PHYHIPL: variants seen among roughly 807,000 people sequenced by gnomAD.
The protein encoded by PHYHIPL is phytanoyl-CoA hydroxylase-interacting protein-like.
A neutral mutation model predicts 33.4 loss-of-function variants in PHYHIPL; 9 were observed. That is an observed-to-expected ratio of 0.27 (90% CI 0.16 to 0.47). The LOEUF is 0.47. Among genes scored for constraint, PHYHIPL ranks in the 20% least tolerant of loss-of-function variants. The pLI, the probability that PHYHIPL is intolerant of heterozygous loss-of-function variation, is 0.99. For missense variants in PHYHIPL, 365 were observed against 460.7 expected (o/e 0.79, Z 1.90); for synonymous variants, 153 against 154.1 (o/e 0.99, Z 0.05).
intron 1 of PHYHIPL, among the ~76,000 whole-genome samples, chr10:59,209,425 G>A (rs1839383282): frequency 6.6e-6 from 1 of 152,170 alleles, no homozygotes; most frequent in Non-Finnish European, 1.5e-5. Context: ...GCTTCTGAAG[G>A]AAGCACTAAA....
chr10:59,245,828 C>G lies in PHYHIPL; in HGVS notation c.*237C>G. ...CCTAAGTTAAGTTCTCCTTTTGACA[C>G]TTTATTGCCTAGATGCTGCAATGTT... On this transcript the variant is annotated 3_prime_UTR_variant, in exon 5 of 5. Coordinates refer to ENST00000373880, the MANE Select transcript of PHYHIPL (RefSeq NM_032439.4). The G allele has an allele frequency of 2.1e-6, 1 of 474,722 alleles. No individual in the cohort carries two copies. Among genetic ancestry groups the G allele is most frequent in the Admixed American group, 3.9e-5 (1 of 25,810 alleles). The allele number at this position is 474,722 out of a possible 1,614,324, so 29.4% of individuals were successfully genotyped here. A position where few individuals can be genotyped will look rare whatever the true frequency, so the allele number is the denominator to read the frequency against.
At chr10:59,206,694 A>G in intron 1 of PHYHIPL, 2 of 727,764 alleles carry the variant, frequency 2.7e-6, no homozygotes, top group South Asian at 2.1e-5. Context: ...CATAAGGGAG[A>G]CAGAAAATTG....
At chr10:59,224,512 A>C (rs947132526) in intron 1 of PHYHIPL, among the ~76,000 whole-genome samples, 2 of 143,744 alleles carry the variant, frequency 1.4e-5, no homozygotes, top group Admixed American at 6.8e-5. Context: ...CAAAACAAAA[A>C]ACAAAACAAA....
Position 59,223,670 on chromosome 10 carries a change from A to ATT in PHYHIPL, c.107-10625_107-10624dup, listed in dbSNP as rs112103554. 2.0e-3 allele frequency among the ~76,000 whole-genome samples: 304 copies of ATT among 149,958 alleles called. 1 individual carries two copies. Among genetic ancestry groups the ATT allele is most frequent in the African/African-American group, 6.7e-3 (274 of 41,032 alleles). ...ATTAAAAACATAAGTCAGTTTAACT[A>ATT]TTTTTTTTTTGAGACAGGGTCTCTG... On this transcript the variant is annotated intron_variant, in intron 1 of 4. Coordinates refer to ENST00000373880, the MANE Select transcript of PHYHIPL (RefSeq NM_032439.4).
At chr10:59,232,794 GATGTTTA>G (rs1840117565) in intron 1 of PHYHIPL, among the ~76,000 whole-genome samples, 1 of 151,834 alleles carries the variant, frequency 6.6e-6, no homozygotes, top group African/African-American at 2.4e-5. Context: ...TACTATTACT[GATGTTTA>G]AAGACAAGTG....
At position 59,176,726 on chromosome 10, in the gene PHYHIPL, C is replaced by A. The variant is rs1266805459; in HGVS notation, c.-128C>A. On this transcript the variant is annotated 5_prime_UTR_variant, in exon 1 of 5. Coordinates refer to ENST00000373880, the MANE Select transcript of PHYHIPL (RefSeq NM_032439.4). ...GCCCCGCGCCTCAGCCTCGGCGCCG[C>A]ATCACCGCGTCCCAGGCCTCCTTCC... 3 of 822,976 alleles carry A rather than the reference C, an allele frequency of 3.6e-6. No homozygotes were observed. Among genetic ancestry groups the A allele is most frequent in the Admixed American group, 2.8e-5 (1 of 35,876 alleles). The allele number at this position is 822,976 out of a possible 1,614,324, so 51.0% of individuals were successfully genotyped here.
chr10:59,187,073 C>G (rs1257544173), intron 1 of PHYHIPL, among the ~76,000 whole-genome samples: 1 of 152,118 alleles, frequency 6.6e-6, no homozygotes, highest in African/African-American at 2.4e-5. Flanking sequence ...CAGTTTTTGT[C>G]CATTCAGTAT....
chr10:59,231,078 T>A (rs1358400568), intron 1 of PHYHIPL, among the ~76,000 whole-genome samples: 1 of 144,448 alleles, frequency 6.9e-6, no homozygotes, highest in Non-Finnish European at 1.5e-5. Flanking sequence ...AAAATATAAA[T>A]ACATGGTAAA....
At chr10:59,235,756 C>T (rs1210863933) in intron 2 of PHYHIPL, among the ~76,000 whole-genome samples, 1 of 151,894 alleles carries the variant, frequency 6.6e-6, no homozygotes, top group Non-Finnish European at 1.5e-5. Flanking sequence ...ATACCATATC[C>T]TTGAAATGTA....
upstream of PHYHIPL, among the ~76,000 whole-genome samples, chr10:59,175,859 G>C (rs141513275): frequency 1.0e-3 from 157 of 152,310 alleles, no homozygotes; most frequent in African/African-American, 3.6e-3. Flanking sequence ...ATACTTATTT[G>C]CTACGCGCAT....
Position 59,245,282 on chromosome 10 carries a change from G to A in PHYHIPL, c.822G>A (p.Met274Ile). 1 of 1,614,162 alleles carries A rather than the reference G, an allele frequency of 6.2e-7. No homozygotes were observed. Among genetic ancestry groups the A allele is most frequent in the Non-Finnish European group, 8.5e-7 (1 of 1,180,028 alleles). The change falls in exon 5 of 5, where the codon ATG (methionine) becomes ATA (isoleucine). Residue 274 changes from methionine to isoleucine, a missense_variant. Around this residue, in one of 4 missense-constraint regions of PHYHIPL, gnomAD observed 196 missense variants for 224.9 expected, o/e 0.87. Transcript: ENST00000373880. ...TATACTTTGGGGACTTCTACTGTATGTACACTGCTTATCATTATGTGATTC... is the reference window on the plus strand; with the variant it reads ...TATACTTTGGGGACTTCTACTGTATATACACTGCTTATCATTATGTGATTC... The part of the protein sequence containing the change: ...TNLYFGDFYC[M>I]YTAYHYVILV...
chr10:59,241,190 T>G (rs1474767605), intron 4 of PHYHIPL, among the ~76,000 whole-genome samples: 1 of 152,154 alleles, frequency 6.6e-6, no homozygotes, highest in African/African-American at 2.4e-5. Context: ...TGTCATTAAC[T>G]CTAATTAAGA....
intron 1 of PHYHIPL, among the ~76,000 whole-genome samples, chr10:59,226,808 A>T (rs374469137): frequency 7.4e-4 from 112 of 152,272 alleles, no homozygotes; most frequent in African/African-American, 2.5e-3. Flanking sequence ...AAAAGATGGG[A>T]TTTATAACTT....
At chr10:59,213,566 G>C (rs1839525696) in intron 1 of PHYHIPL, among the ~76,000 whole-genome samples, 1 of 152,102 alleles carries the variant, frequency 6.6e-6, no homozygotes. Flanking sequence ...ATTTGTAATG[G>C]GAGTCAGTTA....
intron 1 of PHYHIPL, among the ~76,000 whole-genome samples, chr10:59,226,555 A>G (rs67324252): frequency 0.2 from 30,723 of 151,930 alleles, 3,958 homozygotes; most frequent in African/African-American, 0.36. Context: ...GTGGAGAAAA[A>G]TGCCTCAGCC....
intron 1 of PHYHIPL, among the ~76,000 whole-genome samples, chr10:59,228,970 C>G (rs1164709719): frequency 1.3e-5 from 2 of 152,068 alleles, no homozygotes; most frequent in Admixed American, 1.3e-4. Context: ...GACTAAGGAG[C>G]AATGGTGCCC....
At chr10:59,219,315 A>G (rs942775646) in intron 1 of PHYHIPL, 1 of 745,328 alleles carries the variant, frequency 1.3e-6, no homozygotes, top group Non-Finnish European at 1.6e-6. Flanking sequence ...GTAGTTTGAT[A>G]TTTATATTCT....
intron 1 of PHYHIPL, among the ~76,000 whole-genome samples, chr10:59,185,535 G>A (rs1273242597): frequency 1.3e-5 from 2 of 152,106 alleles, no homozygotes; most frequent in African/African-American, 2.4e-5. Context: ...CTGAGGAATC[G>A]CCACACTGAC....
chr10:59,231,100 A>G (rs549896514), intron 1 of PHYHIPL, among the ~76,000 whole-genome samples: 134 of 9,170 alleles, frequency 0.015, no homozygotes, highest in African/African-American at 0.022. Flanking sequence ...ATTAGAAGAA[A>G]AAAACAATTT....
Sources: gnomAD v4.1 joint callset for allele counts (sites outside exome capture counted in the v4.1 genomes callset) on GRCh38, gnomAD v4.1.1 for gene constraint, gnomAD v4.1.1 regional missense constraint, MANE v1.5 for transcripts, NCBI Gene and HGNC (gene_info 2026-07-23, HGNC 2026-07-21) for gene names.